Variants in SIK3 observed in about 807,000 individuals in gnomAD.
SIK3 encodes the protein serine/threonine-protein kinase SIK3.
In SIK3, 28 loss-of-function variants were observed where a neutral mutation model predicts 144.2. That is an observed-to-expected ratio of 0.19 (90% CI 0.14 to 0.27). SIK3 has a LOEUF of 0.27. SIK3 is among the 10% of genes least tolerant of loss of function. The pLI, the probability that SIK3 is intolerant of heterozygous loss-of-function variation, is 1.00. For synonymous variants in SIK3, 686 were observed against 676.3 expected (o/e 1.01, Z -0.22); for missense variants, 1,319 against 1,776.0 (o/e 0.74, Z 4.62).
At chr11:116,868,730 A>C (rs867150278) in intron 14 of SIK3, 1 of 152,524 alleles carries the variant, frequency 6.6e-6, no homozygotes. Flanking sequence ...ACCACATGAA[A>C]TGTTTAGTTA....
intron 1 of SIK3, among the ~76,000 whole-genome samples, chr11:117,080,665 G>A (rs939059404): frequency 2.0e-5 from 3 of 151,984 alleles, no homozygotes; most frequent in African/African-American, 7.2e-5. Flanking sequence ...AATAAAATCT[G>A]GGCTGGGCAC....
intron 1 of SIK3, among the ~76,000 whole-genome samples, chr11:117,029,539 C>T (rs780048198): frequency 6.6e-5 from 10 of 151,942 alleles, no homozygotes; most frequent in African/African-American, 2.2e-4. Context: ...CAGAAATGGG[C>T]GTATCAGTTA....
intron 1 of SIK3, among the ~76,000 whole-genome samples, chr11:117,092,176 C>T (rs935192992): frequency 1.3e-5 from 2 of 152,076 alleles, no homozygotes; most frequent in Non-Finnish European, 2.9e-5. Context: ...ATAAAATGGC[C>T]ATAAGACCCA....
chr11:116,996,767 C>A (rs1394102485), intron 1 of SIK3, among the ~76,000 whole-genome samples: 1 of 135,542 alleles, frequency 7.4e-6, no homozygotes, highest in Non-Finnish European at 1.5e-5. Flanking sequence ...TTGCTGTGAG[C>A]CAAGATCGCG....
intron 1 of SIK3, among the ~76,000 whole-genome samples, chr11:117,083,097 T>C (rs1954858665): frequency 6.6e-6 from 1 of 152,176 alleles, no homozygotes; most frequent in South Asian, 2.1e-4. Context: ...GGCCTAAAAA[T>C]CTAACAACCA....
In SIK3 at chr11:117,096,436, T is replaced by C. The variant is rs561073042; in HGVS notation, c.273+1707A>G. Among the ~76,000 whole-genome samples, 38 of 152,196 alleles carry C rather than the reference T, an allele frequency of 2.5e-4. 1 individual carries two copies. The highest frequency in any genetic ancestry group is 8.9e-4 in the African/African-American group (37 of 41,526). The stretch of plus-strand genomic sequence containing the variant: ...CAAAACAAGGAACAAGGCATATTGT[T>C]TGTAAATGTAAGTTTGCCTTGGCTA... On this transcript the variant is annotated intron_variant, in intron 1 of 24. Coordinates refer to ENST00000445177, the MANE Select transcript of SIK3 (RefSeq NM_001366686.3).
intron 1 of SIK3, among the ~76,000 whole-genome samples, chr11:116,995,680 G>A (rs1478287285): frequency 1.3e-5 from 2 of 152,040 alleles, no homozygotes; most frequent in Non-Finnish European, 2.9e-5. Context: ...TCAACAACCT[G>A]GCTCCTAAGA....
intron 1 of SIK3, among the ~76,000 whole-genome samples, chr11:117,038,789 C>T (rs1170544923): frequency 1.3e-5 from 2 of 152,126 alleles, no homozygotes; most frequent in Non-Finnish European, 2.9e-5. Context: ...GTGGCTCATG[C>T]CTGTAATCCC....
Position 117,098,137 on chromosome 11 carries a change from CG to C in SIK3, c.273+5del. The C allele has an allele frequency of 1.3e-6, 2 of 1,483,914 alleles. No homozygotes were observed. Among genetic ancestry groups the C allele is most frequent in the South Asian group, 2.4e-5 (2 of 83,270 alleles). 91.9% of individuals were successfully genotyped at this position (1,483,914 alleles called of 1,614,324 possible). A position where few individuals can be genotyped will look rare whatever the true frequency, so the allele number is the denominator to read the frequency against. On this transcript the variant is annotated splice_donor_5th_base_variant and intron_variant, in intron 1 of 24. Coordinates refer to ENST00000445177, the MANE Select transcript of SIK3 (RefSeq NM_001366686.3). ...TCCGACTGCCGCCTGGCCCCTGCGCCGGTACCTTGGCCTTGGTGACGAGGTG... is the reference window on the plus strand; with the variant it reads ...TCCGACTGCCGCCTGGCCCCTGCGCCGTACCTTGGCCTTGGTGACGAGGTG...
At chr11:117,074,711 T>C (rs1954428791) in intron 1 of SIK3, among the ~76,000 whole-genome samples, 1 of 151,776 alleles carries the variant, frequency 6.6e-6, no homozygotes, top group Admixed American at 6.6e-5. Context: ...TTCCCTGAGG[T>C]CAGGAGTTTG....
intron 1 of SIK3, among the ~76,000 whole-genome samples, chr11:117,028,739 G>A (rs536107009): frequency 1.1e-4 from 17 of 152,210 alleles, no homozygotes; most frequent in Admixed American, 3.9e-4. Context: ...CATGGCCAGG[G>A]ATAAATCATG....
intron 1 of SIK3, among the ~76,000 whole-genome samples, chr11:117,094,946 G>A (rs908000274): frequency 6.6e-6 from 1 of 152,052 alleles, no homozygotes; most frequent in South Asian, 2.1e-4. Context: ...GCACTGCAGT[G>A]CTGCCAATAT....
intron 1 of SIK3, among the ~76,000 whole-genome samples, chr11:117,050,233 G>A (rs1953172172): frequency 6.6e-6 from 1 of 151,940 alleles, no homozygotes; most frequent in Non-Finnish European, 1.5e-5. Flanking sequence ...AAGTTGCAGT[G>A]AGCTGAGATC....
chr11:116,912,972 G>A (rs748900440), intron 4 of SIK3, among the ~76,000 whole-genome samples: 1 of 152,126 alleles, frequency 6.6e-6, no homozygotes, highest in African/African-American at 2.4e-5. Flanking sequence ...GGAACATGAC[G>A]CTAATAAGGA....
chr11:117,003,640 T>C (rs1591517332), intron 1 of SIK3, among the ~76,000 whole-genome samples: 1 of 152,130 alleles, frequency 6.6e-6, no homozygotes, highest in Non-Finnish European at 1.5e-5. Context: ...ATTAAATATA[T>C]ATATTTATTC....
chr11:117,019,646 C>T (rs1455166838), intron 1 of SIK3, among the ~76,000 whole-genome samples: 2 of 151,334 alleles, frequency 1.3e-5, no homozygotes, highest in African/African-American at 2.4e-5. Context: ...GACAGAGTCT[C>T]GCTGTTTCCC....
chr11:116,867,262 G>C lies in SIK3; in HGVS notation c.1952+684C>G, dbSNP rs1358122190. ...ATTTTTAGTCATCAAGATAGTCACA[G>C]AAGATAATCATCTTCTTCAACTAGC... On this transcript the variant is annotated intron_variant, in intron 15 of 24. Transcript: ENST00000445177. The surrounding 1 kb of genome is among the most constrained non-coding windows in gnomAD (Gnocchi z 4.1). 6.6e-6 allele frequency among the ~76,000 whole-genome samples: 1 copy of C among 152,234 alleles called. No individual in the cohort carries two copies. Among genetic ancestry groups the C allele is most frequent in the African/African-American group, 2.4e-5 (1 of 41,466 alleles).
chr11:117,045,051 AGAT>A (rs768035799), intron 1 of SIK3, among the ~76,000 whole-genome samples: 7 of 152,256 alleles, frequency 4.6e-5, no homozygotes, highest in Admixed American at 6.5e-5. Context: ...CTGGTTAGAT[AGAT>A]GATATTTGCA....
At chr11:116,905,388 G>A (rs1945972044) in intron 4 of SIK3, among the ~76,000 whole-genome samples, 1 of 152,156 alleles carries the variant, frequency 6.6e-6, no homozygotes, top group African/African-American at 2.4e-5. Context: ...CCACTTTGCA[G>A]CGACTAAAAA....
Sources: allele counts gnomAD v4.1 joint callset (sites outside exome capture counted in the v4.1 genomes callset), GRCh38; gene constraint gnomAD v4.1.1; non-coding constraint Gnocchi (gnomAD v3.1); transcripts MANE v1.5; gene names NCBI Gene and HGNC (gene_info 2026-07-23, HGNC 2026-07-21).